The following TFEC variants were observed in gnomAD, a reference collection of about 807,000 sequenced individuals.
The protein encoded by TFEC is class E basic helix-loop-helix protein 34.
In TFEC, 31 loss-of-function variants were observed where a neutral mutation model predicts 41.6. The ratio of observed to expected loss-of-function variants is 0.74; its 90% CI spans 0.56 to 1.01. TFEC has a LOEUF of 1.01. Among genes scored for constraint, TFEC ranks in the 50% least tolerant of loss-of-function variants. TFEC has a pLI of 0.00. For synonymous variants in TFEC, 143 were observed against 140.6 expected (o/e 1.02, Z -0.12); for missense variants, 402 against 404.1 (o/e 0.99, Z 0.04).
intron 3 of TFEC, among the ~76,000 whole-genome samples, chr7:116,048,797 A>G (rs1267882960): frequency 2.6e-5 from 4 of 152,256 alleles, no homozygotes; most frequent in Non-Finnish European, 2.9e-5. Context: ...CAGAAACTCT[A>G]CAAGCCAGAA....
chr7:116,128,996 G>A (rs984301106), intron 1 of TFEC, among the ~76,000 whole-genome samples: 1 of 151,530 alleles, frequency 6.6e-6, no homozygotes, highest in African/African-American at 2.4e-5. Flanking sequence ...TCAACTAAAC[G>A]ACACGAATTA....
intron 3 of TFEC, among the ~76,000 whole-genome samples, chr7:115,959,675 A>C (rs770423570): frequency 1.3e-5 from 2 of 151,746 alleles, no homozygotes; most frequent in Non-Finnish European, 2.9e-5. Context: ...GAAATGAGAG[A>C]TATGAGAAAT....
intron 1 of TFEC, chr7:116,157,185 G>A (rs1013648852): frequency 2.0e-5 from 3 of 152,044 alleles, no homozygotes; most frequent in Non-Finnish European, 4.4e-5. Flanking sequence ...TTCACATGCA[G>A]AAGAGTGAAA....
chr7:116,139,031 C>T (rs1174708545), intron 1 of TFEC, among the ~76,000 whole-genome samples: 1 of 152,036 alleles, frequency 6.6e-6, no homozygotes, highest in East Asian at 1.9e-4. Flanking sequence ...AGGCTTCTAC[C>T]TCTGACTGAA....
At chr7:116,006,795 CAT>C (rs1167995341) in intron 1 of TFEC, among the ~76,000 whole-genome samples, 1 of 152,112 alleles carries the variant, frequency 6.6e-6, no homozygotes, top group Non-Finnish European at 1.5e-5. Flanking sequence ...TGAATTCCCA[CAT>C]GTTGTGGGAG....
intron 3 of TFEC, among the ~76,000 whole-genome samples, chr7:116,044,978 G>A (rs796335532): frequency 3.3e-5 from 5 of 152,316 alleles, no homozygotes; most frequent in African/African-American, 1.2e-4. Context: ...TTTATCCAAT[G>A]CATCCCAGTG....
intron 3 of TFEC, among the ~76,000 whole-genome samples, chr7:116,061,562 T>C (rs750330335): frequency 6.6e-6 from 1 of 152,128 alleles, no homozygotes; most frequent in African/African-American, 2.4e-5. Context: ...ATTTCTTAGA[T>C]ATGGCACCAA....
chr7:116,064,808 G>C (rs757423443), intron 3 of TFEC, among the ~76,000 whole-genome samples: 23 of 152,178 alleles, frequency 1.5e-4, no homozygotes, highest in South Asian at 1.2e-3. Context: ...AGGAGTTCTG[G>C]GCCTTAAAGC....
At chr7:116,020,764 C>T (rs1354184844) in intron 1 of TFEC, among the ~76,000 whole-genome samples, 1 of 151,832 alleles carries the variant, frequency 6.6e-6, no homozygotes, top group Non-Finnish European at 1.5e-5. Flanking sequence ...CTAATCGTAC[C>T]ATTGGATTTT....
intron 3 of TFEC, among the ~76,000 whole-genome samples, chr7:116,058,680 C>T (rs921846824): frequency 1.3e-5 from 2 of 151,746 alleles, no homozygotes; most frequent in Admixed American, 1.3e-4. Context: ...GGATTCATAT[C>T]ATGCAAAATA....
intron 3 of TFEC, among the ~76,000 whole-genome samples, chr7:116,046,579 A>G (rs1215606852): frequency 1.3e-5 from 2 of 152,162 alleles, no homozygotes; most frequent in Non-Finnish European, 1.5e-5. Context: ...ATGAAATAAT[A>G]TAACCTACAA....
At chr7:116,044,284 A>G (rs1327175941) in intron 3 of TFEC, among the ~76,000 whole-genome samples, 1 of 152,208 alleles carries the variant, frequency 6.6e-6, no homozygotes, top group Non-Finnish European at 1.5e-5. Context: ...AGGCAAGCTA[A>G]TAATGTGTTA....
chr7:115,974,983 C>T (rs569054593), intron 2 of TFEC, among the ~76,000 whole-genome samples: 1 of 151,880 alleles, frequency 6.6e-6, no homozygotes, highest in Non-Finnish European at 1.5e-5. Flanking sequence ...GAAATGAGTA[C>T]TTTGCTATAT....
intron 3 of TFEC, among the ~76,000 whole-genome samples, chr7:116,053,230 A>G (rs952603615): frequency 6.6e-6 from 1 of 152,188 alleles, no homozygotes; most frequent in Non-Finnish European, 1.5e-5. Flanking sequence ...AATCTTGGAC[A>G]TGCAATTGAA....
At chr7:116,003,672 C>T (rs962817648) in intron 1 of TFEC, among the ~76,000 whole-genome samples, 1 of 152,052 alleles carries the variant, frequency 6.6e-6, no homozygotes, top group East Asian at 1.9e-4. Flanking sequence ...TTTACCACCA[C>T]CAACAGGATA....
At chr7:116,032,803 C>G (rs1795819508), upstream of TFEC, among the ~76,000 whole-genome samples, 1 of 152,094 alleles carries the variant, frequency 6.6e-6, no homozygotes, top group African/African-American at 2.4e-5. Context: ...ACCTATGTAA[C>G]AAACCTGCAC....
chr7:116,005,695 G>A (rs1794761214), intron 1 of TFEC, among the ~76,000 whole-genome samples: 1 of 152,206 alleles, frequency 6.6e-6, no homozygotes, highest in Non-Finnish European at 1.5e-5. Context: ...CAAGTGGGCT[G>A]TAGAAATTTG....
intron 4 of TFEC, among the ~76,000 whole-genome samples, chr7:115,955,654 A>G (rs1003936314): frequency 6.6e-6 from 1 of 152,108 alleles, no homozygotes; most frequent in Non-Finnish European, 1.5e-5. Context: ...GAATGAGATT[A>G]TAAATGTTTA....
chr7:116,010,093 A>G (rs1381485145), intron 1 of TFEC, among the ~76,000 whole-genome samples: 2 of 152,172 alleles, frequency 1.3e-5, no homozygotes, highest in Non-Finnish European at 2.9e-5. Flanking sequence ...GGTGAAAGGA[A>G]GCAAGGGGAG....
Sources: gnomAD v4.1 joint callset for allele counts (sites outside exome capture counted in the v4.1 genomes callset) on GRCh38, gnomAD v4.1.1 for gene constraint, MANE v1.5 for transcripts, NCBI Gene and HGNC (gene_info 2026-07-23, HGNC 2026-07-21) for gene names.